Variants in BDKRB2 observed in about 807,000 individuals in gnomAD.
BDKRB2 encodes B2 bradykinin receptor.
In BDKRB2, 6 loss-of-function variants were observed where a neutral mutation model predicts 4.0. The ratio of observed to expected loss-of-function variants is 1.49; its 90% CI spans 0.81 to 2.93. The LOEUF (loss-of-function observed/expected upper bound fraction) is 2.93, where lower values mean the gene tolerates loss of function less well. Ranked by LOEUF, BDKRB2 falls within the 30% of genes most tolerant of loss-of-function variation. The pLI, the probability that BDKRB2 is intolerant of heterozygous loss-of-function variation, is 0.00. For missense variants in BDKRB2, 478 were observed against 520.1 expected (o/e 0.92, Z 0.79); for synonymous variants, 225 against 215.3 (o/e 1.05, Z -0.40).
Position 96,241,422 on chromosome 14 carries a change from A to G in BDKRB2, c.1094A>G (p.Asn365Ser), listed in dbSNP as rs1885288902. The G allele has an allele frequency of 1.2e-6, 2 of 1,607,110 alleles. No individual in the cohort carries two copies. The change falls in exon 3 of 3, where the codon AAC (asparagine) becomes AGC (serine). Residue 365 changes from asparagine to serine, a missense_variant. Coordinates refer to ENST00000554311, the MANE Select transcript of BDKRB2 (RefSeq NM_001379692.1). ...GCRSEPIQME[N>S]SMGTLRTSIS... is the part of the protein sequence containing the mutation. ...AGGTCAGAACCCATTCAGATGGAGA[A>G]CTCCATGGGCACACTGCGGACCTCC...
chr14:96,206,292 A>G (rs1373018730), intron 1 of BDKRB2, among the ~76,000 whole-genome samples: 2 of 152,114 alleles, frequency 1.3e-5, no homozygotes, highest in African/African-American at 2.4e-5. Flanking sequence ...CCCCACAGGC[A>G]GCACCCCAGG....
chr14:96,214,660 A>G (rs1007669402), intron 1 of BDKRB2: 1 of 152,316 alleles, frequency 6.6e-6, no homozygotes, highest in African/African-American at 2.4e-5. Flanking sequence ...AAATCCCGAA[A>G]TGTGGTTTGA....
intron 1 of BDKRB2, among the ~76,000 whole-genome samples, chr14:96,210,042 A>T (rs1890271581): frequency 6.6e-6 from 1 of 151,470 alleles, no homozygotes; most frequent in South Asian, 2.1e-4. Flanking sequence ...ATCATAGCAT[A>T]TAGGAAGCTG....
intron 1 of BDKRB2, among the ~76,000 whole-genome samples, chr14:96,207,373 C>T (rs1890210812): frequency 6.6e-6 from 1 of 152,122 alleles, no homozygotes; most frequent in South Asian, 2.1e-4. Context: ...TGTATGATTT[C>T]AACTATATGT....
intron 1 of BDKRB2, among the ~76,000 whole-genome samples, chr14:96,230,403 TTA>T (rs2097994830): frequency 6.6e-6 from 1 of 152,164 alleles, no homozygotes. Context: ...TCTTTTATTT[TTA>T]TGTTTTTGAG....
At chr14:96,208,715 C>T (rs1209300204) in intron 1 of BDKRB2, among the ~76,000 whole-genome samples, 4 of 152,172 alleles carry the variant, frequency 2.6e-5, no homozygotes, top group South Asian at 2.1e-4. Flanking sequence ...CATGCACACA[C>T]TCCTGTGTCC....
chr14:96,233,871 G>A (rs558121665), intron 1 of BDKRB2: 3 of 152,272 alleles, frequency 2.0e-5, no homozygotes, highest in Admixed American at 6.5e-5. Flanking sequence ...GAGGGAGAGA[G>A]AGAATGAGTG....
intron 1 of BDKRB2, among the ~76,000 whole-genome samples, chr14:96,234,480 C>G (rs1046610388): frequency 3.9e-5 from 6 of 152,146 alleles, no homozygotes; most frequent in Non-Finnish European, 8.8e-5. Flanking sequence ...CTCCGTGGTA[C>G]CCATCAGGGC....
chr14:96,210,514 G>C (rs968242463), intron 1 of BDKRB2, among the ~76,000 whole-genome samples: 1 of 152,180 alleles, frequency 6.6e-6, no homozygotes, highest in African/African-American at 2.4e-5. Flanking sequence ...GAGGAGCTAG[G>C]CTTGGATTGC....
intron 2 of BDKRB2, chr14:96,237,703 C>T: frequency 1.6e-6 from 2 of 1,289,010 alleles, no homozygotes; most frequent in Non-Finnish European, 2.0e-6. Context: ...CCAACCTCTC[C>T]ACCCTGCTGC....
chr14:96,236,839 T>A (rs1890946534), intron 1 of BDKRB2, among the ~76,000 whole-genome samples: 1 of 152,212 alleles, frequency 6.6e-6, no homozygotes, highest in East Asian at 1.9e-4. Context: ...GATTTTTCAC[T>A]GTACTCAGGT....
intron 1 of BDKRB2, chr14:96,223,271 T>C: frequency 1.9e-6 from 2 of 1,038,896 alleles, no homozygotes; most frequent in Non-Finnish European, 3.0e-6. Flanking sequence ...CAGGGATGGG[T>C]CCATAATATG....
In BDKRB2 at chr14:96,243,445, A is replaced by T. The variant is rs1424172993; in HGVS notation, c.*1941A>T. On this transcript the variant is annotated 3_prime_UTR_variant, in exon 3 of 3. Transcript: ENST00000554311. Reference sequence around the variant, plus strand: ...GAGGGCTAGAACCTGGCAGGTTAGAACCTAGAAGGGCTAGAACCTGGAGAG... The same window carrying T: ...GAGGGCTAGAACCTGGCAGGTTAGATCCTAGAAGGGCTAGAACCTGGAGAG... The T allele has an allele frequency of 1.3e-5, 2 of 153,118 alleles. No homozygotes were observed. Among genetic ancestry groups the T allele is most frequent in the Admixed American group, 6.6e-5 (1 of 15,256 alleles). The allele number at this position is 153,118 out of a possible 1,614,324, so 9.5% of individuals were successfully genotyped here. A position where few individuals can be genotyped will look rare whatever the true frequency, so the allele number is the denominator to read the frequency against.
intron 1 of BDKRB2, among the ~76,000 whole-genome samples, chr14:96,220,516 T>C (rs1475023345): frequency 6.6e-6 from 1 of 151,998 alleles, no homozygotes; most frequent in African/African-American, 2.4e-5. Context: ...ATCATCAAGG[T>C]CTTTTTGTCC....
chr14:96,232,994 A>G (rs976098183), intron 1 of BDKRB2, among the ~76,000 whole-genome samples: 1 of 152,232 alleles, frequency 6.6e-6, no homozygotes, highest in African/African-American at 2.4e-5. Flanking sequence ...TGACATGGGA[A>G]CCTTCATAAG....
intron 1 of BDKRB2, among the ~76,000 whole-genome samples, chr14:96,226,428 C>T (rs552335738): frequency 1.3e-5 from 2 of 152,044 alleles, no homozygotes; most frequent in African/African-American, 2.4e-5. Context: ...CTGAGGCGGG[C>T]GGATTACCTG....
intron 1 of BDKRB2, among the ~76,000 whole-genome samples, chr14:96,209,673 T>G (rs1251346903): frequency 6.6e-6 from 1 of 152,240 alleles, no homozygotes; most frequent in Non-Finnish European, 1.5e-5. Context: ...CACCTGGTGC[T>G]CAGTCAATCT....
chr14:96,205,219 G>A (rs1890146856), intron 1 of BDKRB2, among the ~76,000 whole-genome samples: 1 of 152,182 alleles, frequency 6.6e-6, no homozygotes, highest in Non-Finnish European at 1.5e-5. Flanking sequence ...GCTTGTGTGT[G>A]TCCAGTGTGT....
chr14:96,238,379 A>T (rs2139797640), intron 2 of BDKRB2: 4 of 841,246 alleles, frequency 4.8e-6, no homozygotes, highest in South Asian at 5.5e-5. Flanking sequence ...ATTAGTAAGA[A>T]GTCCAGCCCA....
Sources: gnomAD v4.1 joint callset for allele counts (sites outside exome capture counted in the v4.1 genomes callset) on GRCh38, gnomAD v4.1.1 for gene constraint, MANE v1.5 for transcripts, NCBI Gene and HGNC (gene_info 2026-07-23, HGNC 2026-07-21) for gene names.